Variants in AGBL4 observed in about 807,000 individuals in gnomAD.
AGBL4 encodes the protein cytosolic carboxypeptidase 6.
Under a neutral mutation model 66.4 loss-of-function variants are expected in AGBL4, and 58 were observed. That is an observed-to-expected ratio of 0.87 (90% CI 0.71 to 1.09). The LOEUF is 1.09. Among genes scored for constraint, AGBL4 ranks in the 50% least tolerant of loss-of-function variants. The pLI is 0.00. For missense variants in AGBL4, 579 were observed against 631.0 expected (o/e 0.92, Z 0.88); for synonymous variants, 234 against 222.9 (o/e 1.05, Z -0.44).
intron 3 of AGBL4, among the ~76,000 whole-genome samples, chr1:49,555,937 T>C (rs1463991464): frequency 1.3e-5 from 2 of 152,148 alleles, no homozygotes; most frequent in Non-Finnish European, 2.9e-5. Context: ...GGTGGGACTG[T>C]AAACTAGTTC....
intron 5 of AGBL4, among the ~76,000 whole-genome samples, chr1:48,905,049 A>G (rs1011368506): frequency 2.6e-5 from 4 of 152,222 alleles, no homozygotes; most frequent in African/African-American, 7.2e-5. Flanking sequence ...AGATCCTTCA[A>G]TCTACCTAAA....
At chr1:49,161,213 G>A (rs369485780) in intron 4 of AGBL4, among the ~76,000 whole-genome samples, 3 of 152,314 alleles carry the variant, frequency 2.0e-5, no homozygotes, top group East Asian at 3.9e-4. Flanking sequence ...TGGTCTGCCA[G>A]TTGCAAAGGC....
At chr1:49,529,403 G>A (rs1158643563) in intron 3 of AGBL4, among the ~76,000 whole-genome samples, 1 of 152,180 alleles carries the variant, frequency 6.6e-6, no homozygotes. Context: ...AATCTGGCCA[G>A]GCATGGTGGC....
chr1:48,551,374 T>G (rs1431844872), intron 11 of AGBL4, among the ~76,000 whole-genome samples: 1 of 152,214 alleles, frequency 6.6e-6, no homozygotes, highest in African/African-American at 2.4e-5. Flanking sequence ...TTGCATTGAT[T>G]AGAAATTATA....
chr1:49,788,162 A>G (rs1213256300), intron 2 of AGBL4, among the ~76,000 whole-genome samples: 6 of 152,208 alleles, frequency 3.9e-5, no homozygotes, highest in Admixed American at 3.9e-4. Context: ...GCAAACTTTG[A>G]GAAACTCATA....
At chr1:48,843,481 T>C (rs1646848702) in intron 6 of AGBL4, among the ~76,000 whole-genome samples, 1 of 152,162 alleles carries the variant, frequency 6.6e-6, no homozygotes, top group Admixed American at 6.5e-5. Context: ...CCACCTGTTT[T>C]TGTATGGCCC....
At chr1:48,737,134 A>T (rs1044703590) in intron 6 of AGBL4, among the ~76,000 whole-genome samples, 2 of 152,176 alleles carry the variant, frequency 1.3e-5, no homozygotes, top group African/African-American at 4.8e-5. Flanking sequence ...ATACAAAAAA[A>T]TTAGCCAGGT....
Position 49,324,346 on chromosome 1 carries a change from T to C in AGBL4, c.283-78482A>G, listed in dbSNP as rs545212308. Among the ~76,000 whole-genome samples, 11 of 152,360 alleles carry C rather than the reference T, an allele frequency of 7.2e-5. No individual in the cohort carries two copies. In the East Asian group the frequency reaches 1.2e-3, roughly 16 times the overall value. On this transcript the variant is annotated intron_variant, in intron 3 of 13. Transcript: ENST00000371839. ...TTCAGCACAGAGACCAGCACTCTCA[T>C]GGCATTCTGAATAATTATCCAACAG...
At chr1:48,946,373 G>A (rs980895553) in intron 5 of AGBL4, among the ~76,000 whole-genome samples, 4 of 152,194 alleles carry the variant, frequency 2.6e-5, no homozygotes, top group African/African-American at 9.7e-5. Context: ...CCAATTACAG[G>A]AGATATTCAC....
At chr1:49,775,642 C>T (rs1644176225) in intron 2 of AGBL4, among the ~76,000 whole-genome samples, 1 of 151,940 alleles carries the variant, frequency 6.6e-6, no homozygotes, top group Non-Finnish European at 1.5e-5. Context: ...GTCTACATTT[C>T]CCACCTAAAT....
intron 3 of AGBL4, among the ~76,000 whole-genome samples, chr1:49,624,355 G>A (rs1645426665): frequency 6.6e-6 from 1 of 152,094 alleles, no homozygotes; most frequent in South Asian, 2.1e-4. Context: ...AAGGCTGACA[G>A]GGATCTTAAG....
chr1:48,696,372 C>A (rs1415877175), intron 6 of AGBL4, among the ~76,000 whole-genome samples: 1 of 152,160 alleles, frequency 6.6e-6, no homozygotes, highest in African/African-American at 2.4e-5. Flanking sequence ...GTCACTCAGC[C>A]AGGTGGCTCT....
intron 5 of AGBL4, among the ~76,000 whole-genome samples, chr1:48,900,093 G>C (rs1218669503): frequency 6.6e-6 from 1 of 152,166 alleles, no homozygotes; most frequent in Non-Finnish European, 1.5e-5. Context: ...TCCAGTCAGA[G>C]AGGACAGCTT....
intron 1 of AGBL4, among the ~76,000 whole-genome samples, chr1:49,984,282 G>C (rs959818869): frequency 3.9e-5 from 6 of 152,196 alleles, no homozygotes; most frequent in African/African-American, 1.4e-4. Flanking sequence ...ACTGATTTCA[G>C]TAACTTTCTC....
At chr1:48,859,213 A>G (rs564514761) in intron 6 of AGBL4, among the ~76,000 whole-genome samples, 47 of 152,214 alleles carry the variant, frequency 3.1e-4, no homozygotes, top group African/African-American at 1.1e-3. Context: ...GGATGTGTTG[A>G]ATAACTTCCA....
intron 6 of AGBL4, among the ~76,000 whole-genome samples, chr1:48,689,991 G>A (rs1018981696): frequency 3.3e-5 from 5 of 152,228 alleles, no homozygotes; most frequent in African/African-American, 9.6e-5. Flanking sequence ...CTTCCTGAGT[G>A]GTTGCATGGG....
Position 48,736,816 on chromosome 1 carries a change from C to A in AGBL4, c.635-73575G>T, listed in dbSNP as rs1467676054. On this transcript the variant is annotated intron_variant, in intron 6 of 13. Coordinates refer to ENST00000371839, the MANE Select transcript of AGBL4 (RefSeq NM_032785.4). This position sits in a 1 kb window ranked among gnomAD's most constrained non-coding sequence, Gnocchi z 4.0. The stretch of plus-strand genomic sequence containing the variant: ...ATTCTACACTATACTTAGTTTATCA[C>A]AAGGCTGCTCAGAGCCTTACCAAAT... 6.6e-6 allele frequency among the ~76,000 whole-genome samples: 1 copy of A among 152,188 alleles called. No homozygotes were observed. Among genetic ancestry groups the A allele is most frequent in the South Asian group, 2.1e-4 (1 of 4,828 alleles).
chr1:48,677,133 G>A (rs1030212778), intron 6 of AGBL4, among the ~76,000 whole-genome samples: 2 of 152,184 alleles, frequency 1.3e-5, no homozygotes, highest in Non-Finnish European at 2.9e-5. Flanking sequence ...ACTTTGGTCA[G>A]AACAACAGGC....
At chr1:48,626,839 G>A (rs990126480) in intron 9 of AGBL4, among the ~76,000 whole-genome samples, 4 of 152,180 alleles carry the variant, frequency 2.6e-5, no homozygotes, top group Admixed American at 1.3e-4. Context: ...TCCCAGAGTT[G>A]CTAAGGCCTC....
Sources: allele counts gnomAD v4.1 joint callset (sites outside exome capture counted in the v4.1 genomes callset), GRCh38; gene constraint gnomAD v4.1.1; non-coding constraint Gnocchi (gnomAD v3.1); transcripts MANE v1.5; gene names NCBI Gene and HGNC (gene_info 2026-07-23, HGNC 2026-07-21).